The following POLI variants were observed in gnomAD, a reference collection of about 807,000 sequenced individuals.
The protein encoded by POLI is RAD30 homolog B.
POLI carries 58 observed loss-of-function variants against 51.6 expected under a neutral mutation model. That is an observed-to-expected ratio of 1.12 (90% CI 0.91 to 1.40). The LOEUF is 1.40. Ranked by LOEUF, POLI falls within the 40% of genes most tolerant of loss-of-function variation. The pLI, the probability that POLI is intolerant of heterozygous loss-of-function variation, is 0.00. For synonymous variants in POLI, 322 were observed against 299.7 expected (o/e 1.07, Z -0.77); for missense variants, 921 against 871.3 (o/e 1.06, Z -0.72).
At chr18:54,293,140 T>C (rs1016556721) in intron 9 of POLI, among the ~76,000 whole-genome samples, 2 of 151,966 alleles carry the variant, frequency 1.3e-5, no homozygotes, top group Non-Finnish European at 1.5e-5. Flanking sequence ...GTTGAAAGTG[T>C]CTTTAAATTT....
At position 54,295,977 on chromosome 18, in the gene POLI, T is replaced by C. The variant is rs996176806; in HGVS notation, c.*1510T>C. ...TTGGATTCCTTGGAATTTGAAAATA[T>C]GCTAACACGAAGGATTGTAAATAGG... On this transcript the variant is annotated 3_prime_UTR_variant, in exon 10 of 10. Transcript: ENST00000579534. The C allele has an allele frequency of 5.3e-5, 52 of 985,146 alleles. No individual in the cohort carries two copies. Among genetic ancestry groups the C allele is most frequent in the Non-Finnish European group, 5.7e-5 (47 of 829,818 alleles). 61.0% of individuals were successfully genotyped at this position (985,146 alleles called of 1,614,324 possible).
At chr18:54,287,020 T>C (rs537358227) in intron 7 of POLI, among the ~76,000 whole-genome samples, 2 of 152,340 alleles carry the variant, frequency 1.3e-5, no homozygotes, top group Non-Finnish European at 2.9e-5. Context: ...TTGTATCTTA[T>C]ATCTCTTCTA....
intron 9 of POLI, among the ~76,000 whole-genome samples, chr18:54,292,326 G>A (rs1313081841): frequency 6.6e-6 from 1 of 152,034 alleles, no homozygotes; most frequent in Non-Finnish European, 1.5e-5. Flanking sequence ...AAATATGATG[G>A]ATTAGCTCAT....
rs937866961 is a variant in POLI at position 54,271,503 on chromosome 18, A to G, written c.241+18A>G. The G allele has an allele frequency of 6.7e-7, 1 of 1,492,190 alleles. No homozygotes were observed. Among genetic ancestry groups the G allele is most frequent in the African/African-American group, 1.4e-5 (1 of 71,534 alleles). The allele number at this position is 1,492,190 out of a possible 1,614,324, so 92.4% of individuals were successfully genotyped here. Reference sequence around the variant, plus strand: ...ACCTTTAGGTAACTGTAGATTTATAATATTTTTAATTGCATAATGATTAGA... The same window carrying G: ...ACCTTTAGGTAACTGTAGATTTATAGTATTTTTAATTGCATAATGATTAGA... On this transcript the variant is annotated intron_variant, in intron 2 of 9. Coordinates refer to ENST00000579534, the MANE Select transcript of POLI (RefSeq NM_007195.3).
chr18:54,280,247 G>A (rs113064591), intron 4 of POLI, among the ~76,000 whole-genome samples: 1 of 152,208 alleles, frequency 6.6e-6, no homozygotes, highest in African/African-American at 2.4e-5. Context: ...CCTCTGGTGA[G>A]GGCCTCAGGC....
downstream of POLI, among the ~76,000 whole-genome samples, chr18:54,298,679 C>G (rs1338721715): frequency 2.0e-5 from 3 of 147,236 alleles, no homozygotes; most frequent in Non-Finnish European, 4.5e-5. Context: ...CAACCTCCAT[C>G]TCCTGGGTTC....
chr18:54,306,040 G>A (rs1161360076), intron 3 of POLI, among the ~76,000 whole-genome samples: 2 of 152,168 alleles, frequency 1.3e-5, no homozygotes, highest in African/African-American at 4.8e-5. Flanking sequence ...TTACAGGCGT[G>A]AGCCACCGCA....
chr18:54,315,452 G>A (rs959868141), intron 3 of POLI, among the ~76,000 whole-genome samples: 7 of 152,038 alleles, frequency 4.6e-5, no homozygotes, highest in African/African-American at 1.4e-4. Flanking sequence ...TTGCTGGGTG[G>A]AATATTCTAT....
chr18:54,282,779 T>C, intron 5 of POLI, 58 bp from the exon 6 acceptor site: 1 of 893,946 alleles, frequency 1.1e-6, no homozygotes, highest in Non-Finnish European at 1.7e-6. Context: ...ATATTTTAAT[T>C]AGCTTTGTTT....
chr18:54,319,587 T>G (rs1252965093), intron 3 of POLI, among the ~76,000 whole-genome samples: 1 of 152,216 alleles, frequency 6.6e-6, no homozygotes, highest in African/African-American at 2.4e-5. Context: ...AAATTATTTT[T>G]ATTTGTCATA....
At chr18:54,304,545 T>A (rs927830930) in intron 3 of POLI, among the ~76,000 whole-genome samples, 27 of 152,372 alleles carry the variant, frequency 1.8e-4, no homozygotes, top group Non-Finnish European at 2.9e-4. Flanking sequence ...GTCTGTTGAC[T>A]GCATAAATGT....
rs200521281 is a variant in POLI, at chr18:54,294,264, A to G, written c.2020A>G (p.Thr674Ala). Residue 674 changes from threonine (T) to alanine (A), a missense_variant, in exon 10 of 10, where the codon ACA becomes GCA. Physicochemically the swap from Thr to Ala is moderately conservative, Grantham distance 58. Coordinates refer to ENST00000579534, the MANE Select transcript of POLI (RefSeq NM_007195.3). ...GCAACTTTTCTCCAGAAACCACACT[A>G]CAGATAGCCATAAGCAAACAGTAGC... is the stretch of plus-strand genomic sequence containing the variant. ...SEQLFSRNHTTDSHKQTVATD... is the reference protein window; with the variant it reads ...SEQLFSRNHTADSHKQTVATD... The G allele has an allele frequency of 5.6e-6, 9 of 1,613,726 alleles. No homozygotes were observed. In the East Asian group the frequency reaches 6.7e-5, roughly 12 times the overall value.
chr18:54,273,205 C>T (rs924035181), intron 2 of POLI, among the ~76,000 whole-genome samples: 3 of 151,960 alleles, frequency 2.0e-5, no homozygotes, highest in African/African-American at 7.2e-5. Context: ...TTTGATAGAA[C>T]AGTTCAATAA....
intron 9 of POLI, among the ~76,000 whole-genome samples, chr18:54,292,997 C>T (rs1013767694): frequency 6.6e-6 from 1 of 151,942 alleles, no homozygotes; most frequent in African/African-American, 2.4e-5. Flanking sequence ...ATCTTTTCTA[C>T]TACTTTTACT....
Position 54,287,431 on chromosome 18 carries a change from C to G in POLI, c.1198+20C>G. On this transcript the variant is annotated intron_variant, in intron 8 of 9. Transcript: ENST00000579534. ...GGACAGGTATGGACTAGTTTTCCAA[C>G]AGTTTCATTAGCAGGTTGAACTCTT... 6.3e-7 allele frequency: 1 copy of G among 1,596,426 alleles called. No homozygotes were observed. The highest frequency in any genetic ancestry group is 8.6e-7 in the Non-Finnish European group (1 of 1,168,310).
chr18:54,318,519 G>C (rs2088760581), intron 3 of POLI, among the ~76,000 whole-genome samples: 1 of 151,966 alleles, frequency 6.6e-6, no homozygotes, highest in Non-Finnish European at 1.5e-5. Context: ...ATATTGCAAA[G>C]ATCTCATATT....
At chr18:54,290,651 A>G (rs938836710) in intron 8 of POLI, among the ~76,000 whole-genome samples, 25 of 152,310 alleles carry the variant, frequency 1.6e-4, no homozygotes, top group African/African-American at 5.5e-4. Flanking sequence ...ATGCAGCCAT[A>G]AAAAAGGATG....
intron 6 of POLI, 57 bp from the exon 7 acceptor site, chr18:54,283,865 A>G: frequency 1.5e-6 from 1 of 647,272 alleles, no homozygotes; most frequent in Non-Finnish European, 2.7e-6. Context: ...TACACTGATA[A>G]TAATTAGATA....
In POLI at chr18:54,295,372, T is replaced by C. The variant is rs990787402; in HGVS notation, c.*905T>C. On this transcript the variant is annotated 3_prime_UTR_variant, in exon 10 of 10. Coordinates refer to ENST00000579534, the MANE Select transcript of POLI (RefSeq NM_007195.3). ...GGTGGATGTCCTCTTTCTCCCATTG[T>C]TATTGCCTTCCTCTTTTGCCTGCTA... 1.8e-4 allele frequency: 174 copies of C among 984,358 alleles called. 1 individual carries two copies. The highest frequency in any genetic ancestry group is 4.8e-5 in the Non-Finnish European group (40 of 829,038). 61.0% of individuals were successfully genotyped at this position (984,358 alleles called of 1,614,324 possible). A position where few individuals can be genotyped will look rare whatever the true frequency, so the allele number is the denominator to read the frequency against.
Sources: allele counts gnomAD v4.1 joint callset (sites outside exome capture counted in the v4.1 genomes callset), GRCh38; gene constraint gnomAD v4.1.1; transcripts MANE v1.5; gene names NCBI Gene and HGNC (gene_info 2026-07-23, HGNC 2026-07-21).